TBC1D15: variants seen among roughly 807,000 people sequenced by gnomAD.
The protein encoded by TBC1D15 is GAP for RAB7.
In TBC1D15, 39 loss-of-function variants were observed where a neutral mutation model predicts 95.4. The observed-to-expected ratio is 0.41, with a 90% CI of 0.32 to 0.53. The LOEUF is 0.53. Ranked by LOEUF, TBC1D15 falls within the 20% of genes least tolerant of loss-of-function variation. TBC1D15 has a pLI of 0.29. For missense variants in TBC1D15, 733 were observed against 794.3 expected (o/e 0.92, Z 0.93); for synonymous variants, 258 against 261.3 (o/e 0.99, Z 0.12).
chr12:71,892,869 T>C (rs1047403337), intron 5 of TBC1D15, among the ~76,000 whole-genome samples: 2 of 151,732 alleles, frequency 1.3e-5, no homozygotes, highest in African/African-American at 4.8e-5. Flanking sequence ...ATTTTTATGA[T>C]AATAAAGCCA....
chr12:71,863,784 T>C (rs890384861), intron 1 of TBC1D15, among the ~76,000 whole-genome samples: 1 of 152,190 alleles, frequency 6.6e-6, no homozygotes, highest in Non-Finnish European at 1.5e-5. Context: ...GAGATTCTTT[T>C]GCTGATCAGG....
intron 16 of TBC1D15, among the ~76,000 whole-genome samples, chr12:71,922,392 C>CG (rs1869756473): frequency 4.1e-5 from 6 of 145,164 alleles, no homozygotes; most frequent in African/African-American, 1.3e-4. Flanking sequence ...GCCATGACTG[C>CG]ATTTTTTTTT....
At chr12:71,892,215 G>A (rs993213567) in intron 5 of TBC1D15, among the ~76,000 whole-genome samples, 1 of 151,832 alleles carries the variant, frequency 6.6e-6, no homozygotes, top group Non-Finnish European at 1.5e-5. Flanking sequence ...GGGCTTATTA[G>A]CTACTATTGT....
intron 11 of TBC1D15, among the ~76,000 whole-genome samples, chr12:71,910,902 A>T (rs994552553): frequency 1.3e-5 from 2 of 152,212 alleles, no homozygotes; most frequent in Non-Finnish European, 2.9e-5. Flanking sequence ...TCCAGAATCT[A>T]CAATGAATTT....
chr12:71,916,833 C>G (rs1217321568), intron 12 of TBC1D15, among the ~76,000 whole-genome samples: 2 of 152,090 alleles, frequency 1.3e-5, no homozygotes, highest in African/African-American at 2.4e-5. Context: ...CCCAGCAGTT[C>G]CCAAACTTTG....
chr12:71,903,482 A>G (rs1899930119), intron 10 of TBC1D15, among the ~76,000 whole-genome samples: 1 of 152,250 alleles, frequency 6.6e-6, no homozygotes, highest in African/African-American at 2.4e-5. Flanking sequence ...AACTTAAAAC[A>G]GAACTACCAT....
chr12:71,893,442 G>A, intron 6 of TBC1D15, 118 bp downstream of exon 6: 11 of 346,956 alleles, frequency 3.2e-5, no homozygotes, highest in Non-Finnish European at 5.1e-5. Context: ...ACATAGATAT[G>A]TGTGTGTGTG....
chr12:71,893,413 G>T, intron 6 of TBC1D15, 89 bp downstream of exon 6: 1 of 772,596 alleles, frequency 1.3e-6, no homozygotes. Flanking sequence ...TATGCAAAAT[G>T]AGACAGGTAC....
At chr12:71,915,062 A>AT (rs1365155270) in intron 12 of TBC1D15, among the ~76,000 whole-genome samples, 2 of 151,716 alleles carry the variant, frequency 1.3e-5, no homozygotes, top group African/African-American at 2.4e-5. Flanking sequence ...CCATAAATTA[A>AT]TTTTTTTTGA....
intron 1 of TBC1D15, among the ~76,000 whole-genome samples, chr12:71,847,640 A>G (rs1886648926): frequency 6.6e-6 from 1 of 151,810 alleles, no homozygotes; most frequent in African/African-American, 2.4e-5. Flanking sequence ...GGTTGCAGTG[A>G]GCCGAGATTG....
chr12:71,904,559 GTAAC>G lies in TBC1D15; in HGVS notation c.1184-2460_1184-2457del, dbSNP rs113007802. On this transcript the variant is annotated intron_variant, in intron 10 of 16. Transcript: ENST00000485960. ...ACTGAAGAGGGAGGTAATTACTAGA[GTAAC>G]TAGATAGAAATTACTAGAGTCCTTG... 6.1e-3 allele frequency among the ~76,000 whole-genome samples: 926 copies of G among 152,296 alleles called. 5 individuals carry two copies. The highest frequency in any genetic ancestry group is 0.021 in the African/African-American group (892 of 41,572).
chr12:71,909,090 G>A (rs1256628229), intron 11 of TBC1D15, among the ~76,000 whole-genome samples: 1 of 152,118 alleles, frequency 6.6e-6, no homozygotes, highest in Non-Finnish European at 1.5e-5. Context: ...AATTTTCTTA[G>A]GACATTGTCC....
chr12:71,841,959 T>C (rs1885128085), intron 1 of TBC1D15, among the ~76,000 whole-genome samples: 1 of 152,010 alleles, frequency 6.6e-6, no homozygotes, highest in Admixed American at 6.6e-5. Context: ...GGGGAGAAAA[T>C]GTGTGTGTGT....
intron 1 of TBC1D15, among the ~76,000 whole-genome samples, chr12:71,852,023 C>G (rs1249980645): frequency 6.6e-6 from 1 of 152,252 alleles, no homozygotes; most frequent in Non-Finnish European, 1.5e-5. Context: ...GGACTCTGCC[C>G]CTGCATCAGG....
intron 1 of TBC1D15, among the ~76,000 whole-genome samples, chr12:71,840,425 ATATT>A (rs887180737): frequency 6.6e-6 from 1 of 152,172 alleles, no homozygotes; most frequent in East Asian, 1.9e-4. Flanking sequence ...AGGCGTCCAA[ATATT>A]TATTTCCTAG....
At chr12:71,863,448 G>A (rs1035646860) in intron 1 of TBC1D15, among the ~76,000 whole-genome samples, 1 of 152,106 alleles carries the variant, frequency 6.6e-6, no homozygotes, top group Non-Finnish European at 1.5e-5. Flanking sequence ...GTGACTTGAC[G>A]TTTTTTTCCT....
chr12:71,884,149 T>C (rs1276355258), intron 4 of TBC1D15, among the ~76,000 whole-genome samples: 1 of 152,188 alleles, frequency 6.6e-6, no homozygotes, highest in Non-Finnish European at 1.5e-5. Flanking sequence ...AAATAAAATG[T>C]CTGTATATTC....
chr12:71,884,925 G>C lies in TBC1D15; in HGVS notation c.458G>C (p.Cys153Ser), dbSNP rs34185988. ...ATGGGCTGGTCCTATTTGGTATTCT[G>C]TCTAAAGGATGACGTCGTTCTCCCT... ...EGMGWSYLVF[C>S]LKDDVVLPAL... The change falls in exon 5 of 17, where the codon TGT (cysteine) becomes TCT (serine). Residue 153 changes from cysteine (C) to serine (S), a missense_variant. By Grantham distance (112) the Cys-to-Ser change is moderately radical. Transcript: ENST00000485960. The C allele has an allele frequency of 3.0e-4, 487 of 1,613,778 alleles. 1 individual carries two copies. The African/African-American group carries it at 5.6e-3, about 18-fold the overall frequency.
chr12:71,903,345 G>C (rs1175484825), intron 10 of TBC1D15, among the ~76,000 whole-genome samples: 2 of 152,160 alleles, frequency 1.3e-5, no homozygotes, highest in Admixed American at 6.5e-5. Flanking sequence ...CATGATGGCT[G>C]TTACTAAAAA....
Sources: gnomAD v4.1 joint callset for allele counts (sites outside exome capture counted in the v4.1 genomes callset) on GRCh38, gnomAD v4.1.1 for gene constraint, MANE v1.5 for transcripts, NCBI Gene and HGNC (gene_info 2026-07-23, HGNC 2026-07-21) for gene names.